The following DGKG variants were observed in gnomAD, a reference collection of about 807,000 sequenced individuals.
DGKG encodes the protein DAG kinase gamma.
In DGKG, 78 loss-of-function variants were observed where a neutral mutation model predicts 105.3. The observed-to-expected ratio is 0.74, with a 90% CI of 0.62 to 0.89. DGKG has a LOEUF of 0.89. Among genes scored for constraint, DGKG ranks in the 40% least tolerant of loss-of-function variants. DGKG has a pLI of 0.00. For synonymous variants in DGKG, 346 were observed against 367.1 expected, an observed-to-expected ratio of 0.94 and a Z score of 0.66; for missense variants, 958 against 1,020.1, an observed-to-expected ratio of 0.94 and a Z score of 0.83.
At chr3:186,257,159 C>T (rs527451345) in intron 17 of DGKG, among the ~76,000 whole-genome samples, 9 of 152,298 alleles carry the variant, frequency 5.9e-5, no homozygotes, top group African/African-American at 1.9e-4. Context: ...CCCAGTGCTC[C>T]CCCGGCCGCT....
At chr3:186,155,496 C>A (rs1715992878) in intron 24 of DGKG, among the ~76,000 whole-genome samples, 1 of 152,154 alleles carries the variant, frequency 6.6e-6, no homozygotes, top group South Asian at 2.1e-4. Flanking sequence ...CCAGCTGAAA[C>A]CTTTCCCTAA....
intron 1 of DGKG, among the ~76,000 whole-genome samples, chr3:186,354,198 T>C (rs752674511): frequency 2.0e-5 from 3 of 152,146 alleles, no homozygotes; most frequent in African/African-American, 7.2e-5. Context: ...TCTAGCTTAT[T>C]TACTTTAACT....
chr3:186,268,383 C>G (rs944013795), intron 12 of DGKG, among the ~76,000 whole-genome samples: 20 of 152,280 alleles, frequency 1.3e-4, no homozygotes, highest in African/African-American at 4.8e-4. Context: ...TTGGCCCAGG[C>G]AGTGGGGCTG....
intron 6 of DGKG, among the ~76,000 whole-genome samples, chr3:186,287,018 G>C (rs978677828): frequency 9.9e-6 from 1 of 100,736 alleles, no homozygotes; most frequent in Non-Finnish European, 2.0e-5. Context: ...TGGGCAACAA[G>C]AGCAAAACTC....
intron 20 of DGKG, among the ~76,000 whole-genome samples, chr3:186,218,543 A>C (rs1336125671): frequency 6.7e-6 from 1 of 149,898 alleles, no homozygotes; most frequent in Non-Finnish European, 1.5e-5. Context: ...ACTCGGACCA[A>C]CTGCTTTCCA....
At chr3:186,293,709 A>G (rs1159901206) in intron 5 of DGKG, among the ~76,000 whole-genome samples, 7 of 152,336 alleles carry the variant, frequency 4.6e-5, no homozygotes, top group Non-Finnish European at 1.0e-4. Flanking sequence ...GACAGGCCAC[A>G]TGAAATAAGA....
intron 21 of DGKG, 54 bp from the exon 22 acceptor site, chr3:186,188,433 C>A: frequency 6.3e-7 from 1 of 1,580,184 alleles, no homozygotes; most frequent in South Asian, 1.1e-5. Context: ...TGTCACAACC[C>A]AAGGTGCTCT....
chr3:186,304,128 T>C (rs1469633234), intron 3 of DGKG, among the ~76,000 whole-genome samples: 1 of 152,230 alleles, frequency 6.6e-6, no homozygotes, highest in South Asian at 2.1e-4. Flanking sequence ...TGAAAGCTCC[T>C]GTGGCCTCCA....
intron 6 of DGKG, among the ~76,000 whole-genome samples, chr3:186,288,041 A>G (rs1723149812): frequency 6.6e-6 from 1 of 152,176 alleles, no homozygotes; most frequent in African/African-American, 2.4e-5. Flanking sequence ...TGAATCATCT[A>G]CAAGACTGCA....
chr3:186,242,638 G>A (rs373453872), intron 19 of DGKG, 70 bp from the exon 20 acceptor site: 22 of 1,315,092 alleles, frequency 1.7e-5, no homozygotes, highest in Middle Eastern at 1.9e-4. Flanking sequence ...GGGAAGGGAC[G>A]CACGCATGCA....
intron 12 of DGKG, among the ~76,000 whole-genome samples, chr3:186,268,227 C>A (rs1722148601): frequency 6.6e-6 from 1 of 152,296 alleles, no homozygotes; most frequent in Admixed American, 6.5e-5. Context: ...CATTTTGAGG[C>A]TGATACCTGG....
At chr3:186,298,594 C>A (rs542992960) in intron 3 of DGKG, among the ~76,000 whole-genome samples, 1 of 152,222 alleles carries the variant, frequency 6.6e-6, no homozygotes, top group Admixed American at 6.5e-5. Context: ...CTGCCTTAGT[C>A]CAGGCCTGTG....
chr3:186,319,410 T>C (rs1025204152), intron 2 of DGKG, among the ~76,000 whole-genome samples: 1 of 152,164 alleles, frequency 6.6e-6, no homozygotes, highest in African/African-American at 2.4e-5. Flanking sequence ...CCCTGACTCC[T>C]AGACCAGCGC....
chr3:186,288,582 C>T, intron 6 of DGKG, 128 bp downstream of exon 6: 1 of 976,544 alleles, frequency 1.0e-6, no homozygotes, highest in Non-Finnish European at 1.5e-6. Flanking sequence ...ACAAAGAAAC[C>T]TCCCCAAAGA....
intron 24 of DGKG, among the ~76,000 whole-genome samples, chr3:186,153,064 C>T (rs1421365617): frequency 2.0e-5 from 3 of 150,958 alleles, no homozygotes; most frequent in Non-Finnish European, 4.4e-5. Flanking sequence ...CTCCAGGGCA[C>T]GGAAGAGGAA....
intron 1 of DGKG, among the ~76,000 whole-genome samples, chr3:186,344,259 C>A (rs924259215): frequency 6.6e-6 from 1 of 152,178 alleles, no homozygotes; most frequent in Non-Finnish European, 1.5e-5. Context: ...GAATAGAATT[C>A]ATTTGACCAT....
chr3:186,160,133 C>T (rs890293294), intron 24 of DGKG: 33 of 937,026 alleles, frequency 3.5e-5, no homozygotes, highest in Non-Finnish European at 4.2e-5. Context: ...GATTTCTGGG[C>T]CTCACACTAT....
At chr3:186,298,315 C>G in intron 3 of DGKG, 86 bp from the exon 4 acceptor site, 1 of 1,338,140 alleles carries the variant, frequency 7.5e-7, no homozygotes, top group South Asian at 1.5e-5. Flanking sequence ...GAAAAGCTGG[C>G]AGGTGAAAGG....
chr3:186,166,320 T>C (rs1716543431), intron 22 of DGKG, among the ~76,000 whole-genome samples: 1 of 152,204 alleles, frequency 6.6e-6, no homozygotes, highest in African/African-American at 2.4e-5. Flanking sequence ...CACATAGCTT[T>C]CCCCCTCTAC....
Sources: allele counts gnomAD v4.1 joint callset (sites outside exome capture counted in the v4.1 genomes callset), GRCh38; gene constraint gnomAD v4.1.1; transcripts MANE v1.5; gene names NCBI Gene and HGNC (gene_info 2026-07-23, HGNC 2026-07-21).